The following HDDC2 variants were observed in gnomAD, a reference collection of about 807,000 sequenced individuals.
HDDC2 encodes the protein 5'-deoxynucleotidase HDDC2.
Under a neutral mutation model 25.5 loss-of-function variants are expected in HDDC2, and 25 were observed. That is an observed-to-expected ratio of 0.98 (90% CI 0.72 to 1.37). The LOEUF is 1.37. Among genes scored for constraint, HDDC2 ranks in the 40% most tolerant of loss-of-function variants. The pLI is 0.00. For missense variants in HDDC2, 264 were observed against 253.1 expected (o/e 1.04, Z -0.29); for synonymous variants, 106 against 89.7 (o/e 1.18, Z -1.03).
chr6:125,292,856 G>A lies in HDDC2; in HGVS notation c.363C>T (p.Leu121=). The A allele has an allele frequency of 6.2e-7, 1 of 1,612,568 alleles. No individual in the cohort carries two copies. Among genetic ancestry groups the A allele is most frequent in the Non-Finnish European group, 8.5e-7 (1 of 1,179,072 alleles). ...ATATACTTACTTCCCAAAGTTCATA[G>A]AGCTCCTTTCTGAGGTCCTCTGGTA... is the stretch of plus-strand genomic sequence containing the variant. The part of the protein sequence containing the change: ...QLLPEDLRKE[L]YELWEEYETQ... The change falls in exon 4 of 6, where the codon CTC becomes CTT. Residue 121 remains leucine (L), a synonymous_variant. Transcript: ENST00000398153.
Position 125,301,890 on chromosome 6 carries a change from G to C in HDDC2, c.43C>G (p.Arg15Gly), listed in dbSNP as rs777901471. 7.7e-6 allele frequency: 12 copies of C among 1,551,576 alleles called. No homozygotes were observed. In the East Asian group the frequency reaches 1.7e-4, roughly 22 times the overall value. ...SSATFSGHGA[R>G]SLLQFLRLVG... ...AGCCGCAGGAACTGCAGTAGGGACC[G>C]AGCCCCGTGGCCCGAGAAGGTCGCA... The change falls in exon 1 of 6, where the codon CGG becomes GGG. Residue 15 changes from arginine to glycine, a missense_variant. Coordinates refer to ENST00000398153, the MANE Select transcript of HDDC2 (RefSeq NM_016063.3).
Position 125,286,199 on chromosome 6 carries a change from A to G in HDDC2, c.378+6642T>C, listed in dbSNP as rs1408412360. 7.2e-5 allele frequency among the ~76,000 whole-genome samples: 11 copies of G among 152,222 alleles called. No individual in the cohort carries two copies. In the East Asian group the frequency reaches 2.1e-3, roughly 29 times the overall value. Reference sequence around the variant, plus strand: ...CTCAGAAAAACAAAACTGTTGAGAAACTGACATAAGGACTGGTGATAAACA... The same window carrying G: ...CTCAGAAAAACAAAACTGTTGAGAAGCTGACATAAGGACTGGTGATAAACA... On this transcript the variant is annotated intron_variant, in intron 4 of 5. Coordinates refer to ENST00000398153, the MANE Select transcript of HDDC2 (RefSeq NM_016063.3).
chr6:125,292,501 A>G (rs1798646571), intron 4 of HDDC2, among the ~76,000 whole-genome samples: 1 of 152,152 alleles, frequency 6.6e-6, no homozygotes, highest in Non-Finnish European at 1.5e-5. Context: ...AGAACCTCAA[A>G]GTGGAGAGGT....
intron 5 of HDDC2, 89 bp from the exon 6 acceptor site, chr6:125,276,332 G>C: frequency 1.0e-6 from 1 of 955,610 alleles, no homozygotes; most frequent in South Asian, 1.4e-5. Context: ...GGTTCACTGG[G>C]GGCTCTAGTC....
intron 4 of HDDC2, among the ~76,000 whole-genome samples, chr6:125,289,497 A>T (rs1027614293): frequency 1.0e-4 from 10 of 96,802 alleles, no homozygotes; most frequent in African/African-American, 4.3e-4. Flanking sequence ...AAAAAAAATT[A>T]AAAAAAACAA....
rs765284980 is a variant in HDDC2, at chr6:125,275,866, A to C, written c.*280T>G. 2.2e-5 allele frequency: 8 copies of C among 359,754 alleles called. No individual in the cohort carries two copies. The highest frequency in any genetic ancestry group is 4.5e-5 in the Admixed American group (1 of 22,332). The allele number at this position is 359,754 out of a possible 1,614,324, so 22.3% of individuals were successfully genotyped here. A position where few individuals can be genotyped will look rare whatever the true frequency, so the allele number is the denominator to read the frequency against. ...CAGAATAAGATGATTTTAAATCTCC[A>C]ATAAATATTCTAATATTTTAGGTGT... On this transcript the variant is annotated 3_prime_UTR_variant, in exon 6 of 6. Transcript: ENST00000398153.
intron 4 of HDDC2, chr6:125,277,982 A>G (rs1047154110): frequency 6.6e-6 from 1 of 152,142 alleles, no homozygotes; most frequent in African/African-American, 2.4e-5. Context: ...CCACCCAACC[A>G]CAAGTCCCAA....
At chr6:125,298,212 C>T (rs1798734791) in intron 3 of HDDC2, among the ~76,000 whole-genome samples, 1 of 152,132 alleles carries the variant, frequency 6.6e-6, no homozygotes, top group African/African-American at 2.4e-5. Context: ...AACAAATCTA[C>T]ACATGTACCC....
At chr6:125,287,849 G>T (rs1175219650) in intron 4 of HDDC2, among the ~76,000 whole-genome samples, 8 of 152,330 alleles carry the variant, frequency 5.3e-5, no homozygotes, top group African/African-American at 1.9e-4. Flanking sequence ...TTTTCAGCAG[G>T]AGAGTGGCAA....
chr6:125,287,866 A>G (rs1798565051), intron 4 of HDDC2, among the ~76,000 whole-genome samples: 1 of 152,234 alleles, frequency 6.6e-6, no homozygotes, highest in African/African-American at 2.4e-5. Context: ...GCAACACCTC[A>G]TGCCGCCACA....
intron 4 of HDDC2, among the ~76,000 whole-genome samples, chr6:125,283,083 G>T (rs1257358837): frequency 6.6e-6 from 1 of 152,104 alleles, no homozygotes; most frequent in Non-Finnish European, 1.5e-5. Flanking sequence ...TATCTCAAAA[G>T]ATACAGAAAA....
intron 3 of HDDC2, among the ~76,000 whole-genome samples, chr6:125,296,596 T>C (rs1798708929): frequency 6.6e-6 from 1 of 152,210 alleles, no homozygotes; most frequent in Non-Finnish European, 1.5e-5. Context: ...CAATAGAACA[T>C]CAGTGCTCTC....
chr6:125,276,914 A>T, intron 5 of HDDC2, 188 bp downstream of exon 5: 1 of 600,614 alleles, frequency 1.7e-6, no homozygotes, highest in Non-Finnish European at 2.9e-6. Flanking sequence ...ATTCCACATT[A>T]AACTCTATTC....
intron 4 of HDDC2, among the ~76,000 whole-genome samples, chr6:125,288,784 T>C (rs1191200858): frequency 7.4e-6 from 1 of 134,562 alleles, no homozygotes; most frequent in Non-Finnish European, 1.5e-5. Context: ...CTATGAGATA[T>C]CATCTCACAC....
intron 3 of HDDC2, among the ~76,000 whole-genome samples, chr6:125,293,669 T>C (rs1035926017): frequency 3.3e-5 from 5 of 152,184 alleles, no homozygotes; most frequent in Non-Finnish European, 1.5e-5. Flanking sequence ...ATTTTCCCTG[T>C]AGTTCTTCTA....
In HDDC2 at chr6:125,275,874, T is replaced by C; in HGVS notation, c.*272A>G. 2.6e-6 allele frequency: 1 copy of C among 378,652 alleles called. No individual in the cohort carries two copies. The highest frequency in any genetic ancestry group is 4.4e-5 in the Admixed American group (1 of 22,964). 23.5% of individuals were successfully genotyped at this position (378,652 alleles called of 1,614,324 possible). A position where few individuals can be genotyped will look rare whatever the true frequency, so the allele number is the denominator to read the frequency against. On this transcript the variant is annotated 3_prime_UTR_variant, in exon 6 of 6. Coordinates refer to ENST00000398153, the MANE Select transcript of HDDC2 (RefSeq NM_016063.3). ...GATGATTTTAAATCTCCAATAAATA[T>C]TCTAATATTTTAGGTGTTTAATATT...
In HDDC2 at chr6:125,293,053, A is replaced by G. The variant is rs1049077696; in HGVS notation, c.310-144T>C. The G allele has an allele frequency of 4.1e-6, 3 of 723,510 alleles. No individual in the cohort carries two copies. In the African/African-American group the frequency reaches 5.2e-5, roughly 13 times the overall value. The allele number at this position is 723,510 out of a possible 1,614,324, so 44.8% of individuals were successfully genotyped here. A position where few individuals can be genotyped will look rare whatever the true frequency, so the allele number is the denominator to read the frequency against. On this transcript the variant is annotated intron_variant, in intron 3 of 5. Transcript: ENST00000398153. ...AATTGGCCTATACTGGACAATATTTATAGCTTGTGAGGAAGGCAGGCAGTT... is the reference window on the plus strand; with the variant it reads ...AATTGGCCTATACTGGACAATATTTGTAGCTTGTGAGGAAGGCAGGCAGTT...
At chr6:125,288,413 G>A (rs1039282849) in intron 4 of HDDC2, among the ~76,000 whole-genome samples, 11 of 152,134 alleles carry the variant, frequency 7.2e-5, no homozygotes, top group Non-Finnish European at 1.0e-4. Flanking sequence ...TCAGTGTTTC[G>A]CAGCCTTCTG....
intron 3 of HDDC2, among the ~76,000 whole-genome samples, chr6:125,295,079 T>C (rs892370198): frequency 6.6e-5 from 10 of 152,204 alleles, no homozygotes; most frequent in African/African-American, 2.4e-4. Context: ...GCCTTTTTAA[T>C]TGAACCCTCT....
Sources: allele counts gnomAD v4.1 joint callset (sites outside exome capture counted in the v4.1 genomes callset), GRCh38; gene constraint gnomAD v4.1.1; transcripts MANE v1.5; gene names NCBI Gene and HGNC (gene_info 2026-07-23, HGNC 2026-07-21).